PALLD: variants seen among roughly 807,000 people sequenced by gnomAD.
PALLD encodes the protein palladin.
PALLD carries 61 observed loss-of-function variants against 123.5 expected under a neutral mutation model. The ratio of observed to expected loss-of-function variants is 0.49; its 90% CI spans 0.40 to 0.61. The LOEUF is 0.61. Ranked by LOEUF, PALLD falls within the 20% of genes least tolerant of loss-of-function variation. PALLD has a pLI of 0.00. For synonymous variants in PALLD, 465 were observed against 496.4 expected (o/e 0.94, Z 0.84); for missense variants, 1,273 against 1,377.0 (o/e 0.92, Z 1.20).
intron 3 of PALLD, 51 bp from the exon 4 acceptor site, chr4:168,681,281 A>T: frequency 9.6e-7 from 1 of 1,046,142 alleles, no homozygotes; most frequent in South Asian, 1.3e-5. Flanking sequence ...TGCAATTATT[A>T]TAGATAACAC....
At chr4:168,708,730 A>T (rs549060107) in intron 8 of PALLD, among the ~76,000 whole-genome samples, 48 of 152,306 alleles carry the variant, frequency 3.2e-4, no homozygotes, top group Non-Finnish European at 6.0e-4. Context: ...ACTTGCAGAC[A>T]TCTCGTTTTA....
At chr4:168,639,668 T>C (rs764697955) in intron 2 of PALLD, among the ~76,000 whole-genome samples, 23 of 152,010 alleles carry the variant, frequency 1.5e-4, no homozygotes, top group East Asian at 5.8e-4. Flanking sequence ...CTCAGCCTCC[T>C]GAGTAGCTGG....
Position 168,512,429 on chromosome 4 carries a change from T to A in PALLD, c.908+17T>A, listed in dbSNP as rs1762605848. The stretch of plus-strand genomic sequence containing the variant: ...TCGAGTCAGGTATGAATTTTTGTAT[T>A]ATGCATAGCAAATGATCTTGTTGAC... On this transcript the variant is annotated intron_variant, in intron 2 of 21. Transcript: ENST00000505667. The A allele has an allele frequency of 6.2e-7, 1 of 1,600,974 alleles. No individual in the cohort carries two copies. The highest frequency in any genetic ancestry group is 1.3e-5 in the African/African-American group (1 of 74,698).
chr4:168,702,847 T>G (rs528723672), intron 8 of PALLD, among the ~76,000 whole-genome samples: 121 of 150,194 alleles, frequency 8.1e-4, no homozygotes, highest in Non-Finnish European at 1.4e-3. Context: ...TTCCAAATGA[T>G]TAATCTTTTT....
At chr4:168,901,003 TTTTTAATATGACTGTAC>T (rs1756399556) in intron 14 of PALLD, among the ~76,000 whole-genome samples, 1 of 152,212 alleles carries the variant, frequency 6.6e-6, no homozygotes, top group African/African-American at 2.4e-5. Flanking sequence ...TGGGCTTTTG[TTTTTAATATGACTGTAC>T]TTTTTTCCTA....
intron 12 of PALLD, 154 bp downstream of exon 12, chr4:168,894,831 A>G: frequency 8.0e-7 from 1 of 1,251,664 alleles, no homozygotes; most frequent in South Asian, 1.4e-5. Context: ...CTCACAGCTA[A>G]TTTTTATTGA....
intron 6 of PALLD, chr4:168,686,777 G>A (rs956652041): frequency 7.2e-5 from 11 of 152,170 alleles, no homozygotes; most frequent in African/African-American, 2.4e-4. Context: ...TCAAAAAGTT[G>A]TGTGGAGGAA....
intron 2 of PALLD, among the ~76,000 whole-genome samples, chr4:168,618,277 A>G (rs1271824901): frequency 6.6e-6 from 1 of 152,224 alleles, no homozygotes; most frequent in East Asian, 1.9e-4. Flanking sequence ...TGTAATAATC[A>G]TATAATTTGG....
intron 10 of PALLD, among the ~76,000 whole-genome samples, chr4:168,721,592 C>G (rs1010833811): frequency 1.3e-5 from 2 of 152,104 alleles, no homozygotes; most frequent in East Asian, 3.8e-4. Context: ...TCCTGATTTT[C>G]CAACTTTTTG....
chr4:168,661,105 A>C (rs7656936), intron 2 of PALLD, among the ~76,000 whole-genome samples: 82,256 of 151,784 alleles, frequency 0.54, 22,912 homozygotes, highest in African/African-American at 0.67. Context: ...GGGTTTCACC[A>C]TGCTGGCCAG....
intron 15 of PALLD, among the ~76,000 whole-genome samples, chr4:168,911,239 G>A (rs1758879294): frequency 6.6e-6 from 1 of 152,210 alleles, no homozygotes; most frequent in Non-Finnish European, 1.5e-5. Flanking sequence ...TTAGTGAGGT[G>A]TGTTTGTTTG....
At chr4:168,655,286 G>T (rs902897804) in intron 2 of PALLD, among the ~76,000 whole-genome samples, 7 of 152,184 alleles carry the variant, frequency 4.6e-5, no homozygotes, top group African/African-American at 1.7e-4. Context: ...AGTTAGCTGG[G>T]AAAACCCTTG....
intron 2 of PALLD, among the ~76,000 whole-genome samples, chr4:168,535,045 A>G (rs1000661127): frequency 2.0e-5 from 3 of 152,200 alleles, no homozygotes; most frequent in Admixed American, 1.3e-4. Flanking sequence ...ACAACTATTT[A>G]CATAGCAGTC....
intron 10 of PALLD, among the ~76,000 whole-genome samples, chr4:168,714,417 G>A (rs1431216255): frequency 6.6e-6 from 1 of 152,126 alleles, no homozygotes; most frequent in Non-Finnish European, 1.5e-5. Context: ...GGTTTGTTCA[G>A]TGTTCTCAAA....
At chr4:168,697,600 C>CT (rs1783259447) in intron 8 of PALLD, among the ~76,000 whole-genome samples, 1 of 152,216 alleles carries the variant, frequency 6.6e-6, no homozygotes, top group Non-Finnish European at 1.5e-5. Flanking sequence ...CCTCCATGGA[C>CT]TGTCACCTGG....
intron 10 of PALLD, among the ~76,000 whole-genome samples, chr4:168,755,189 C>T (rs989831853): frequency 4.1e-5 from 6 of 148,042 alleles, no homozygotes; most frequent in Non-Finnish European, 5.9e-5. Flanking sequence ...GCCGAGATTG[C>T]ACCACTGCAC....
intron 10 of PALLD, among the ~76,000 whole-genome samples, chr4:168,762,796 C>T (rs373245746): frequency 2.6e-5 from 4 of 152,192 alleles, no homozygotes; most frequent in African/African-American, 9.7e-5. Flanking sequence ...CAATGATAGA[C>T]TACATAAAGA....
At chr4:168,609,187 G>C (rs1773488452) in intron 2 of PALLD, among the ~76,000 whole-genome samples, 1 of 151,908 alleles carries the variant, frequency 6.6e-6, no homozygotes, top group Non-Finnish European at 1.5e-5. Context: ...CCAATTTGCA[G>C]TGGCTTACAT....
intron 6 of PALLD, among the ~76,000 whole-genome samples, chr4:168,689,437 T>TC: frequency 1.2e-5 from 1 of 84,132 alleles, no homozygotes; most frequent in East Asian, 3.3e-4. Context: ...ATATTCTTTT[T>TC]TTTTTTTTTT....
Sources: gnomAD v4.1 joint callset for allele counts (sites outside exome capture counted in the v4.1 genomes callset) on GRCh38, gnomAD v4.1.1 for gene constraint, MANE v1.5 for transcripts, NCBI Gene and HGNC (gene_info 2026-07-23, HGNC 2026-07-21) for gene names.